Variants in INF2 observed in about 807,000 individuals in gnomAD.
INF2 encodes the protein inverted formin-2.
In INF2, 43 loss-of-function variants were observed where a neutral mutation model predicts 123.5. The ratio of observed to expected loss-of-function variants is 0.35; its 90% CI spans 0.27 to 0.45. The LOEUF is 0.45. Ranked by LOEUF, INF2 falls within the 20% of genes least tolerant of loss-of-function variation. INF2 has a pLI of 1.00. For missense variants in INF2, 1,453 were observed against 1,682.7 expected (o/e 0.86, Z 2.39); for synonymous variants, 851 against 745.0 (o/e 1.14, Z -2.32).
At chr14:104,696,398 C>T (rs1237022215) in intron 1 of INF2, among the ~76,000 whole-genome samples, 3 of 152,242 alleles carry the variant, frequency 2.0e-5, no homozygotes, top group Middle Eastern at 3.2e-3. Context: ...CCCCTGGACA[C>T]GTGGCAGTGG....
intron 1 of INF2, chr14:104,683,964 T>C (rs966090075): frequency 2.2e-6 from 1 of 445,866 alleles, no homozygotes; most frequent in African/African-American, 2.0e-5. Flanking sequence ...TTCCCTGCTC[T>C]CAAAGGAGCA....
At chr14:104,702,456 T>C (rs938778823) in intron 2 of INF2, among the ~76,000 whole-genome samples, 2 of 147,758 alleles carry the variant, frequency 1.4e-5, no homozygotes, top group Admixed American at 6.6e-5. Flanking sequence ...TCCCGGTCCC[T>C]TGAGAGAAAC....
upstream of INF2, chr14:104,689,113 G>A (rs1157154791): frequency 5.6e-6 from 4 of 715,186 alleles, no homozygotes; most frequent in Non-Finnish European, 6.9e-6. Context: ...GAGGCCACAT[G>A]GGTGGCCTGG....
intron 15 of INF2, 67 bp downstream of exon 15, chr14:104,711,253 G>C: frequency 7.5e-7 from 1 of 1,330,496 alleles, no homozygotes. Flanking sequence ...GTGTAGAGGC[G>C]TAGAGGCCAT....
chr14:104,702,968 G>C, intron 2 of INF2, 137 bp from the exon 3 acceptor site: 1 of 734,636 alleles, frequency 1.4e-6, no homozygotes, highest in Non-Finnish European at 2.4e-6. Flanking sequence ...CCAGCCCACT[G>C]CTGTGGGCCA....
At chr14:104,683,170 C>T (rs1478242318) in intron 1 of INF2, among the ~76,000 whole-genome samples, 9 of 37,924 alleles carry the variant, frequency 2.4e-4, no homozygotes, top group South Asian at 1.9e-3. Context: ...GAGGGGTCTG[C>T]GGGTGGCTGC....
chr14:104,711,099 C>T lies in INF2; in HGVS notation c.2331C>T (p.Ala777=), dbSNP rs1293312025. ...CCCAGGGCAGCCACACCGGTGACGC[C>T]GACGGCTTCAAGATCAGCACATTGC... is the stretch of plus-strand genomic sequence containing the variant. The part of the protein sequence containing the change: ...FLNYGSHTGD[A]DGFKISTLLK... The change falls in exon 15 of 23, where the codon GCC becomes GCT. Residue 777 remains alanine, a synonymous_variant. Coordinates refer to ENST00000392634, the MANE Select transcript of INF2 (RefSeq NM_022489.4). 6.3e-6 allele frequency: 10 copies of T among 1,592,426 alleles called. No individual in the cohort carries two copies. In the African/African-American group the frequency reaches 8.1e-5, roughly 13 times the overall value.
chr14:104,681,805 C>CCTTGGTTGCTGAG (rs1435922577), intron 1 of INF2, among the ~76,000 whole-genome samples: 1 of 152,236 alleles, frequency 6.6e-6, no homozygotes, highest in Admixed American at 6.5e-5. Context: ...CATGACATCC[C>CCTTGGTTGCTGAG]CTTGGTTGCT....
At chr14:104,715,577 G>C (rs1566787214) in intron 22 of INF2, 1 of 609,330 alleles carries the variant, frequency 1.6e-6, no homozygotes, top group Non-Finnish European at 2.9e-6. Context: ...CAACCTCAGT[G>C]CTGGCCCCGG....
At chr14:104,697,371 C>T (rs1421816072) in intron 1 of INF2, among the ~76,000 whole-genome samples, 2 of 152,210 alleles carry the variant, frequency 1.3e-5, no homozygotes, top group Admixed American at 6.5e-5. Context: ...GTGTGCCGCT[C>T]AGAACCATGG....
In INF2 at chr14:104,701,768, T is replaced by G; in HGVS notation, c.391+12T>G. The G allele has an allele frequency of 6.7e-7, 1 of 1,484,436 alleles. No homozygotes were observed. The highest frequency in any genetic ancestry group is 2.4e-5 in the East Asian group (1 of 40,824). The allele number at this position is 1,484,436 out of a possible 1,614,324, so 92.0% of individuals were successfully genotyped here. ...CCAGCTCTCCCAGGGTGAGCCGCAG[T>G]GTGGGAGGGCCGCCCAGGCGGACGC... On this transcript the variant is annotated intron_variant, in intron 2 of 22. Coordinates refer to ENST00000392634, the MANE Select transcript of INF2 (RefSeq NM_022489.4).
At position 104,707,243 on chromosome 14, in the gene INF2, C is replaced by T; in HGVS notation, c.986-10C>T. On this transcript the variant is annotated splice_polypyrimidine_tract_variant and intron_variant, in intron 7 of 22. Coordinates refer to ENST00000392634, the MANE Select transcript of INF2 (RefSeq NM_022489.4). ...CCTTCTCCCTTGACCCTGGACATCC[C>T]CTACTGCAGCCCAGGAATGCACCCT... 2.5e-6 allele frequency: 4 copies of T among 1,605,070 alleles called. No individual in the cohort carries two copies. The highest frequency in any genetic ancestry group is 3.4e-6 in the Non-Finnish European group (4 of 1,176,034).
In INF2 at chr14:104,718,796, C is replaced by T. The variant is rs1890439714; in HGVS notation, c.*3C>T. 6.2e-7 allele frequency: 1 copy of T among 1,613,028 alleles called. No homozygotes were observed. Among genetic ancestry groups the T allele is most frequent in the Non-Finnish European group, 8.5e-7 (1 of 1,179,740 alleles). ...TGTCATTTTTTCTCTCTCTTACAGG[C>T]CTCAGGCCCAGGCCCAAGGCCAAGT... On this transcript the variant is annotated splice_region_variant and 3_prime_UTR_variant, in exon 23 of 23. Coordinates refer to ENST00000392634, the MANE Select transcript of INF2 (RefSeq NM_022489.4).
chr14:104,691,623 G>C lies in INF2; in HGVS notation c.-10+1884G>C, dbSNP rs76608574. On this transcript the variant is annotated intron_variant, in intron 1 of 22. Coordinates refer to ENST00000392634, the MANE Select transcript of INF2 (RefSeq NM_022489.4). ...GCCGGGAGGTGGAGGCCACATAGGA[G>C]CCAGTCTCTGGAGGGTGGTCCCCAG... Among the ~76,000 whole-genome samples, 81 of 152,310 alleles carry C rather than the reference G, an allele frequency of 5.3e-4. 1 individual carries two copies. In the East Asian group the frequency reaches 0.015, roughly 28 times the overall value.
At chr14:104,710,003 C>G in intron 12 of INF2, 85 bp from the exon 13 acceptor site, 1 of 1,219,022 alleles carries the variant, frequency 8.2e-7, no homozygotes, top group Non-Finnish European at 1.2e-6. Context: ...GCCCACCACC[C>G]AAGCCAGAGC....
chr14:104,689,512 TCCCCCCCCAGGC>T, upstream of INF2: 1 of 33,804 alleles, frequency 3.0e-5, no homozygotes, highest in Non-Finnish European at 4.8e-5. Flanking sequence ...GCCACCCACC[TCCCCCCCCAGGC>T]CCCGCCCCCG....
upstream of INF2, chr14:104,689,587 T>TGCAGCC: frequency 2.3e-6 from 2 of 851,066 alleles, no homozygotes; most frequent in Non-Finnish European, 2.8e-6. Context: ...CACCTCCTCT[T>TGCAGCC]CCTCCCGCCC....
At position 104,714,643 on chromosome 14, in the gene INF2, G is replaced by A. The variant is rs1595180270; in HGVS notation, c.3481G>A (p.Ala1161Thr). The change falls in exon 21 of 23, where the codon GCC (alanine) becomes ACC (threonine). Residue 1161 changes from alanine (A) to threonine (T), a missense_variant. By Grantham distance (58) the Ala-to-Thr change is moderately conservative. Around this residue, in one of 8 missense-constraint regions of INF2, gnomAD observed 344 missense variants for 333.1 expected, o/e 1.03. Coordinates refer to ENST00000392634, the MANE Select transcript of INF2 (RefSeq NM_022489.4). Reference sequence around the variant, plus strand: ...GGAGGACGCTGTCCACAGCCGTGGTGCCAGACCCCCTGCAGCAGGCCCAGG... The same window carrying A: ...GGAGGACGCTGTCCACAGCCGTGGTACCAGACCCCCTGCAGCAGGCCCAGG... ...GLEDAVHSRGARPPAAGPGGD... is the reference protein window; with the variant it reads ...GLEDAVHSRGTRPPAAGPGGD... The A allele has an allele frequency of 6.2e-7, 1 of 1,612,526 alleles. No homozygotes were observed.
chr14:104,714,687 C>T lies in INF2; in HGVS notation c.3525C>T (p.Asp1175=), dbSNP rs774238837. 10 of 1,611,340 alleles carry T rather than the reference C, an allele frequency of 6.2e-6. No homozygotes were observed. Among genetic ancestry groups the T allele is most frequent in the African/African-American group, 1.3e-5 (1 of 75,012 alleles). Residue 1175 remains aspartate, a synonymous_variant, in exon 21 of 23, where the codon GAC becomes GAT. Coordinates refer to ENST00000392634, the MANE Select transcript of INF2 (RefSeq NM_022489.4). The part of the protein sequence containing the change: ...AAGPGGDEDE[D]EEDTAPESAL... The stretch of plus-strand genomic sequence containing the variant: ...GCCCAGGTGGGGATGAGGACGAGGA[C>T]GAGGAGGACACGGCCCCAGAGTCCG...
Sources: gnomAD v4.1 joint callset for allele counts (sites outside exome capture counted in the v4.1 genomes callset) on GRCh38, gnomAD v4.1.1 for gene constraint, gnomAD v4.1.1 regional missense constraint, MANE v1.5 for transcripts, NCBI Gene and HGNC (gene_info 2026-07-23, HGNC 2026-07-21) for gene names.